The following KIF19 variants were observed in gnomAD, a reference collection of about 807,000 sequenced individuals.
KIF19 encodes kinesin family member 19.
A neutral mutation model predicts 106.6 loss-of-function variants in KIF19; 98 were observed. The ratio of observed to expected loss-of-function variants is 0.92; its 90% confidence interval spans 0.78 to 1.09. The LOEUF is 1.09. Ranked by LOEUF, KIF19 falls within the 50% of genes least tolerant of loss-of-function variation. The pLI, the probability that KIF19 is intolerant of heterozygous loss-of-function variation, is 0.00. For synonymous variants in KIF19, 516 were observed against 584.2 expected (o/e 0.88, Z 1.68); for missense variants, 1,373 against 1,414.3 (o/e 0.97, Z 0.47).
chr17:74,347,523 C>T (rs1224631924), intron 8 of KIF19, among the ~76,000 whole-genome samples: 1 of 144,296 alleles, frequency 6.9e-6, no homozygotes, highest in Admixed American at 7.1e-5. Context: ...GATGACAGAT[C>T]GAGACCCTGT....
chr17:74,351,930 C>CCG lies in KIF19; in HGVS notation c.1654_1655dup (p.Arg553GlyfsTer123). On this transcript the variant is annotated frameshift_variant, in exon 13 of 20. Transcript: ENST00000389916. LOFTEE classifies it high-confidence loss of function. Reference sequence around the variant, plus strand: ...GGGCCGGCGCCTGGAGGAGACGCTGCCGCGGCGCATCGGCTCCGAGGAGCA... The same window carrying CCG: ...GGGCCGGCGCCTGGAGGAGACGCTGCCGCGCGGCGCATCGGCTCCGAGGAGCA... 1 of 1,453,324 alleles carries CCG rather than the reference C, an allele frequency of 6.9e-7. No individual in the cohort carries two copies. The highest frequency in any genetic ancestry group is 9.0e-7 in the Non-Finnish European group (1 of 1,109,686). The allele number at this position is 1,453,324 out of a possible 1,614,324, so 90.0% of individuals were successfully genotyped here. A position where few individuals can be genotyped will look rare whatever the true frequency, so the allele number is the denominator to read the frequency against.
At chr17:74,344,084 C>T (rs1274230496) in intron 5 of KIF19, 139 bp from the exon 6 acceptor site, 10 of 756,314 alleles carry the variant, frequency 1.3e-5, no homozygotes, top group Non-Finnish European at 2.0e-5. Flanking sequence ...CTAATCAGGG[C>T]TCTTCTGAGA....
rs1207984851 is a variant in KIF19, at chr17:74,346,730, G to A, written c.924+206G>A. ...ATATCTGAAATTCAAATTTAACTGG[G>A]TATCCTGTATTTTATCTGACGACCC... On this transcript the variant is annotated intron_variant, in intron 8 of 19. Coordinates refer to ENST00000389916, the MANE Select transcript of KIF19 (RefSeq NM_153209.4). The surrounding 1 kb of genome is among the most constrained non-coding windows in gnomAD (Gnocchi z 4.6). 6.6e-6 allele frequency among the ~76,000 whole-genome samples: 1 copy of A among 152,128 alleles called. No homozygotes were observed. The highest frequency in any genetic ancestry group is 1.5e-5 in the Non-Finnish European group (1 of 68,028).
In KIF19 at chr17:74,328,508, A is replaced by AT; in HGVS notation, c.120+4dup. ...TCGCCCATAAAGTGGATGAGCAGGT[A>AT]TGCAGGGCTCTGCAGCAGGAGCTGC... is the stretch of plus-strand genomic sequence containing the variant. On this transcript the variant is annotated splice_donor_region_variant and intron_variant, in intron 2 of 19. Transcript: ENST00000389916. 1 of 1,567,602 alleles carries AT rather than the reference A, an allele frequency of 6.4e-7. No homozygotes were observed. The highest frequency in any genetic ancestry group is 8.7e-7 in the Non-Finnish European group (1 of 1,146,392).
chr17:74,348,870 C>T (rs1231384442), intron 9 of KIF19: 3 of 376,900 alleles, frequency 8.0e-6, no homozygotes, highest in Non-Finnish European at 1.5e-5. Flanking sequence ...ATGGGGAGAG[C>T]AGGACAGGTC....
rs765921756 is a variant in KIF19, at chr17:74,352,081, A to G, written c.1802A>G (p.Glu601Gly). The change falls in exon 13 of 20, where the codon GAG becomes GGG. Residue 601 changes from glutamate to glycine, a missense_variant. Physicochemically the swap from Glu to Gly is moderately conservative, Grantham distance 98. Transcript: ENST00000389916. ...RHRHEAVRRL[E>G]QHRSLCDEII... ...CGCCACGAGGCCGTGCGCCGCCTGG[A>G]GCAGCACCGCAGTCTCTGCGACGAG... is the stretch of plus-strand genomic sequence containing the variant. 6.3e-7 allele frequency: 1 copy of G among 1,594,188 alleles called. No individual in the cohort carries two copies. Among genetic ancestry groups the G allele is most frequent in the African/African-American group, 1.3e-5 (1 of 74,310 alleles).
rs369878548 is a variant in KIF19 at position 74,341,957 on chromosome 17, G to A, written c.202G>A (p.Asp68Asn). The change falls in exon 3 of 20, where the codon GAC becomes AAC. Residue 68 changes from aspartate (D) to asparagine (N), a missense_variant. Around this residue, in one of 3 missense-constraint regions of KIF19, gnomAD observed 348 missense variants for 389.5 expected, o/e 0.89. Transcript: ENST00000389916. ...CTCCCGGGAGAAGTCCTACCTGTTC[G>A]ACGTGGCCTTTGACTTCACCGCCAC... is the stretch of plus-strand genomic sequence containing the variant. ...HRSREKSYLF[D>N]VAFDFTATQE... 1.2e-5 allele frequency: 19 copies of A among 1,613,330 alleles called. No individual in the cohort carries two copies. The East Asian group carries it at 2.7e-4, about 23-fold the overall frequency.
chr17:74,326,896 C>G (rs1320554361), intron 1 of KIF19, among the ~76,000 whole-genome samples: 3 of 152,104 alleles, frequency 2.0e-5, no homozygotes, highest in African/African-American at 7.2e-5. Context: ...CGGATGCTGC[C>G]CAAGTCCGGA....
intron 10 of KIF19, 71 bp downstream of exon 10, chr17:74,349,420 G>A: frequency 7.6e-6 from 11 of 1,445,004 alleles, no homozygotes; most frequent in Non-Finnish European, 1.0e-5. Context: ...ATCAGGCCAT[G>A]TTGTGTTCAA....
Position 74,352,224 on chromosome 17 carries a change from A to C in KIF19, c.1864A>C (p.Asn622His), listed in dbSNP as rs1217387238. 6.2e-6 allele frequency: 10 copies of C among 1,611,904 alleles called. No homozygotes were observed. Among genetic ancestry groups the C allele is most frequent in the Non-Finnish European group, 8.5e-6 (10 of 1,179,256 alleles). The change falls in exon 14 of 20, where the codon AAC (asparagine) becomes CAC (histidine). Residue 622 changes from asparagine (N) to histidine (H), a missense_variant. Asn to His is a moderately conservative substitution (Grantham distance 68). Transcript: ENST00000389916. ...QGQRQIIDDYNLAVPQRLEEL... is the reference protein window; with the variant it reads ...QGQRQIIDDYHLAVPQRLEEL... ...CCCTGCCCCTTCCCCAGCAGACTACAACCTGGCCGTCCCGCAGCGCCTGGA... is the reference window on the plus strand; with the variant it reads ...CCCTGCCCCTTCCCCAGCAGACTACCACCTGGCCGTCCCGCAGCGCCTGGA...
Position 74,355,356 on chromosome 17 carries a change from T to C in KIF19, c.*44T>C. 6.4e-7 allele frequency: 1 copy of C among 1,552,554 alleles called. No homozygotes were observed. The highest frequency in any genetic ancestry group is 8.7e-7 in the Non-Finnish European group (1 of 1,151,106). ...GGCTCTCTCACCTCCCAAGACTGAA[T>C]GGGGTCTAGCAGGGCATGGGAGGTG... On this transcript the variant is annotated 3_prime_UTR_variant, in exon 20 of 20. Transcript: ENST00000389916.
intron 5 of KIF19, among the ~76,000 whole-genome samples, chr17:74,344,006 C>T (rs752728441): frequency 1.3e-5 from 2 of 152,176 alleles, no homozygotes; most frequent in African/African-American, 2.4e-5. Flanking sequence ...AACCTTGGCT[C>T]CAGCAGCCCG....
At position 74,349,274 on chromosome 17, in the gene KIF19, C is replaced by G; in HGVS notation, c.1138C>G (p.Arg380Gly). The G allele has an allele frequency of 1.2e-6, 2 of 1,613,296 alleles. No individual in the cohort carries two copies. Among genetic ancestry groups the G allele is most frequent in the Non-Finnish European group, 1.7e-6 (2 of 1,179,746 alleles). Residue 380 changes from arginine to glycine, a missense_variant, in exon 10 of 20, where the codon CGC becomes GGC. By Grantham distance (125) the Arg-to-Gly change is moderately radical (BLOSUM62 -2). This residue lies in a region of KIF19 where 1,020 missense variants were observed against 1,008.2 expected (regional missense o/e 1.01). Transcript: ENST00000389916. ...GCGGGGCGAGATCCAGCGACTCAAG[C>G]GCAAGATTGATGAGCAGACTGGGCG... ...DLRGEIQRLK[R>G]KIDEQTGRGQ...
intron 2 of KIF19, among the ~76,000 whole-genome samples, chr17:74,339,829 T>G (rs959222389): frequency 6.6e-6 from 1 of 152,186 alleles, no homozygotes; most frequent in Admixed American, 6.5e-5. Context: ...GGGTGGTGCA[T>G]GAGGACAGGG....
intron 7 of KIF19, 130 bp downstream of exon 7, chr17:74,345,085 G>T: frequency 1.1e-6 from 1 of 887,958 alleles, no homozygotes. Context: ...GGTGGGGACA[G>T]GGACGCTGGC....
rs777911654 is a variant in KIF19 at position 74,328,484 on chromosome 17, C to T, written c.99C>T (p.Ile33=). ...VAELEEGATL[I]AHKVDEQMVV... Reference sequence around the variant, plus strand: ...AGCTGGAGGAAGGAGCTACCCTCATCGCCCATAAAGTGGATGAGCAGGTAT... The same window carrying T: ...AGCTGGAGGAAGGAGCTACCCTCATTGCCCATAAAGTGGATGAGCAGGTAT... Residue 33 remains isoleucine, a synonymous_variant, in exon 2 of 20, where the codon ATC becomes ATT. Transcript: ENST00000389916. 8.2e-5 allele frequency: 131 copies of T among 1,607,122 alleles called. No homozygotes were observed. Among genetic ancestry groups the T allele is most frequent in the Non-Finnish European group, 9.2e-5 (108 of 1,177,016 alleles).
rs930314735 is a variant in KIF19 at position 74,354,788 on chromosome 17, C to T, written c.2713C>T (p.His905Tyr). The T allele has an allele frequency of 1.0e-5, 16 of 1,555,952 alleles. No individual in the cohort carries two copies. Among genetic ancestry groups the T allele is most frequent in the African/African-American group, 1.4e-5 (1 of 73,182 alleles). ...SFEVTGQGLS[H>Y]PKTHLLGPHQ... ...CACTGTTCAACCATCACAGCTCTCC[C>T]ACCCCAAGACACACCTCCTGGGGCC... The change falls in exon 19 of 20, where the codon CAC becomes TAC. Residue 905 changes from histidine to tyrosine, a missense_variant. Physicochemically the swap from His to Tyr is moderately conservative, Grantham distance 83. Transcript: ENST00000389916.
chr17:74,347,934 T>A, intron 9 of KIF19, 35 bp downstream of exon 9: 2 of 1,557,634 alleles, frequency 1.3e-6, no homozygotes, highest in Non-Finnish European at 1.7e-6. Context: ...AGGACACACC[T>A]TCCTGGGCTG....
Position 74,352,285 on chromosome 17 carries a change from A to C in KIF19, c.1925A>C (p.Glu642Ala), listed in dbSNP as rs774552430. The C allele has an allele frequency of 4.6e-5, 74 of 1,612,330 alleles. No individual in the cohort carries two copies. The highest frequency in any genetic ancestry group is 6.1e-5 in the Non-Finnish European group (72 of 1,179,602). Residue 642 changes from glutamate (E) to alanine (A), a missense_variant, in exon 14 of 20, where the codon GAG (glutamate) becomes GCG (alanine). Coordinates refer to ENST00000389916, the MANE Select transcript of KIF19 (RefSeq NM_153209.4). ...LYEVYLRELE[E>A]GSLEQATIMD... ...GAAGTGTACCTGCGGGAGCTGGAGG[A>C]GGGCAGCCTGGAGCAGGCCACCATC...
Sources: gnomAD v4.1 joint callset for allele counts (sites outside exome capture counted in the v4.1 genomes callset) on GRCh38, gnomAD v4.1.1 for gene constraint, gnomAD v4.1.1 regional missense constraint, Gnocchi (gnomAD v3.1) non-coding constraint, MANE v1.5 for transcripts, NCBI Gene and HGNC (gene_info 2026-07-23, HGNC 2026-07-21) for gene names.